TAFA2: variants seen among roughly 807,000 people sequenced by gnomAD.
TAFA2 encodes chemokine-like protein TAFA-2.
TAFA2 carries 7 observed loss-of-function variants against 18.8 expected under a neutral mutation model. The ratio of observed to expected loss-of-function variants is 0.37; its 90% confidence interval spans 0.21 to 0.70. The LOEUF (loss-of-function observed/expected upper bound fraction) is 0.70, where lower values mean the gene tolerates loss of function less well. Among genes scored for constraint, TAFA2 ranks in the 30% least tolerant of loss-of-function variants. The probability of loss-of-function intolerance (pLI) is 0.53; values close to 1 mark genes in which losing one functional copy is unlikely to be tolerated. For synonymous variants in TAFA2, 60 were observed against 54.2 expected (o/e 1.11, Z -0.47); for missense variants, 122 against 158.1 (o/e 0.77, Z 1.23).
intron 1 of TAFA2, among the ~76,000 whole-genome samples, chr12:62,051,084 T>A (rs1882040288): frequency 6.6e-6 from 1 of 152,212 alleles, no homozygotes; most frequent in Non-Finnish European, 1.5e-5. Flanking sequence ...TTAGTGTTGC[T>A]AAATTATACC....
chr12:61,755,338 C>T lies in TAFA2; in HGVS notation c.107-314G>A, dbSNP rs1419704222. On this transcript the variant is annotated intron_variant, in intron 2 of 4. Transcript: ENST00000416284. ...TTTATTTGCATATGACTTTTTAATGCCTTTTTGTTCAATGCATTAATCAAA... is the reference window on the plus strand; with the variant it reads ...TTTATTTGCATATGACTTTTTAATGTCTTTTTGTTCAATGCATTAATCAAA... Among the ~76,000 whole-genome samples, 4 of 152,048 alleles carry T rather than the reference C, an allele frequency of 2.6e-5. No individual in the cohort carries two copies. The South Asian group carries it at 6.2e-4, about 24-fold the overall frequency.
intron 1 of TAFA2, among the ~76,000 whole-genome samples, chr12:62,184,869 C>T (rs961814709): frequency 6.6e-6 from 1 of 152,068 alleles, no homozygotes; most frequent in Non-Finnish European, 1.5e-5. Flanking sequence ...AACTGAGGCA[C>T]AGAGAAATAA....
chr12:61,900,351 C>T (rs908387467), intron 1 of TAFA2, among the ~76,000 whole-genome samples: 3 of 152,214 alleles, frequency 2.0e-5, no homozygotes, highest in Middle Eastern at 3.2e-3. Context: ...CATTACTCCA[C>T]ACATTGCCAA....
intron 2 of TAFA2, among the ~76,000 whole-genome samples, chr12:61,831,329 T>C (rs1175181065): frequency 1.3e-5 from 2 of 152,096 alleles, no homozygotes; most frequent in Non-Finnish European, 2.9e-5. Context: ...ACACGGAAAG[T>C]TGGAAAGAGA....
intron 1 of TAFA2, among the ~76,000 whole-genome samples, chr12:62,103,290 T>C (rs1869290090): frequency 6.6e-6 from 1 of 152,348 alleles, no homozygotes; most frequent in African/African-American, 2.4e-5. Context: ...ATATTTGCTG[T>C]ATGTCTAGCT....
intron 1 of TAFA2, among the ~76,000 whole-genome samples, chr12:61,984,454 G>C (rs1239573772): frequency 6.6e-6 from 1 of 152,206 alleles, no homozygotes; most frequent in Non-Finnish European, 1.5e-5. Flanking sequence ...ACAGCTGAGG[G>C]AAAACATTAG....
intron 1 of TAFA2, among the ~76,000 whole-genome samples, chr12:62,120,889 C>T (rs1053423567): frequency 2.0e-5 from 3 of 151,716 alleles, no homozygotes; most frequent in Non-Finnish European, 4.4e-5. Context: ...GAGTTTCGCT[C>T]TTATTGCCCA....
At chr12:61,790,744 G>A (rs774751470) in intron 2 of TAFA2, among the ~76,000 whole-genome samples, 4 of 151,768 alleles carry the variant, frequency 2.6e-5, no homozygotes. Context: ...GACATTTCTT[G>A]TTCATGAACT....
chr12:61,893,085 G>A (rs1319382099), intron 1 of TAFA2, among the ~76,000 whole-genome samples: 1 of 152,156 alleles, frequency 6.6e-6, no homozygotes. Flanking sequence ...AGAGGTAGCA[G>A]AGAAGACTGA....
intron 1 of TAFA2, among the ~76,000 whole-genome samples, chr12:62,031,377 A>G (rs773368146): frequency 7.2e-5 from 11 of 152,086 alleles, no homozygotes; most frequent in South Asian, 2.1e-4. Flanking sequence ...TAAGACTCCA[A>G]GTTCTTCAGT....
At chr12:61,979,019 C>T (rs529452031) in intron 1 of TAFA2, among the ~76,000 whole-genome samples, 12 of 152,114 alleles carry the variant, frequency 7.9e-5, no homozygotes, top group Admixed American at 2.0e-4. Flanking sequence ...TTCATTTTCA[C>T]GGAATAATAC....
chr12:62,061,865 A>G (rs1259864321), intron 1 of TAFA2, among the ~76,000 whole-genome samples: 2 of 152,186 alleles, frequency 1.3e-5, no homozygotes, highest in African/African-American at 4.8e-5. Flanking sequence ...ATCCTTGCCT[A>G]CTGGGAACCT....
chr12:61,913,761 C>T (rs1876706496), intron 1 of TAFA2, among the ~76,000 whole-genome samples: 1 of 152,136 alleles, frequency 6.6e-6, no homozygotes, highest in South Asian at 2.1e-4. Context: ...AAACCCACAA[C>T]CTGGTCCAAG....
chr12:62,175,150 T>G (rs1444277484), intron 1 of TAFA2, among the ~76,000 whole-genome samples: 1 of 152,238 alleles, frequency 6.6e-6, no homozygotes, highest in Non-Finnish European at 1.5e-5. Context: ...ATGTAACTTC[T>G]AAGTCAATGC....
chr12:62,097,619 T>C (rs975641505), intron 1 of TAFA2, among the ~76,000 whole-genome samples: 1 of 152,200 alleles, frequency 6.6e-6, no homozygotes, highest in Non-Finnish European at 1.5e-5. Context: ...CTGTCTTGTC[T>C]GTCCTATAGG....
intron 1 of TAFA2, among the ~76,000 whole-genome samples, chr12:62,005,283 T>C (rs142815261): frequency 1.3e-5 from 2 of 152,210 alleles, no homozygotes; most frequent in African/African-American, 4.8e-5. Context: ...CAAAACATTA[T>C]GCAATATACC....
intron 1 of TAFA2, among the ~76,000 whole-genome samples, chr12:62,020,934 G>A (rs376762397): frequency 1.3e-5 from 2 of 152,154 alleles, no homozygotes; most frequent in Non-Finnish European, 2.9e-5. Flanking sequence ...TTAAATTTTA[G>A]TGCCCCTAAA....
At chr12:61,766,875 C>T (rs901849695) in intron 2 of TAFA2, among the ~76,000 whole-genome samples, 1 of 152,074 alleles carries the variant, frequency 6.6e-6, no homozygotes, top group African/African-American at 2.4e-5. Flanking sequence ...GTGTGCTTAA[C>T]TTTTTTTCTA....
intron 1 of TAFA2, among the ~76,000 whole-genome samples, chr12:61,942,394 G>GTT (rs1362280940): frequency 6.6e-6 from 1 of 151,604 alleles, no homozygotes; most frequent in Non-Finnish European, 1.5e-5. Flanking sequence ...AACGCAGAGA[G>GTT]CCTCTCCTCC....
Sources: gnomAD v4.1 joint callset for allele counts (sites outside exome capture counted in the v4.1 genomes callset) on GRCh38, gnomAD v4.1.1 for gene constraint, MANE v1.5 for transcripts, NCBI Gene and HGNC (gene_info 2026-07-23, HGNC 2026-07-21) for gene names.